The following FGF14 variants were observed in gnomAD, a reference collection of about 807,000 sequenced individuals.
The protein encoded by FGF14 is fibroblast growth factor 14.
A neutral mutation model predicts 25.5 loss-of-function variants in FGF14; 5 were observed. The observed-to-expected ratio is 0.20, with a 90% CI of 0.10 to 0.41. The LOEUF is 0.41. FGF14 is among the 10% of genes least tolerant of loss of function. The pLI is 1.00. For missense variants in FGF14, 222 were observed against 320.1 expected (o/e 0.69, Z 2.34); for synonymous variants, 138 against 118.3 (o/e 1.17, Z -1.08).
chr13:102,161,574 A>AAGG (rs1555369410), intron 1 of FGF14, among the ~76,000 whole-genome samples: 1 of 5,312 alleles, frequency 1.9e-4, no homozygotes, highest in South Asian at 8.5e-3. Flanking sequence ...GTGAAGAAAG[A>AAGG]AAGAAGAAGA....
At chr13:102,090,655 C>T (rs1449177144) in intron 1 of FGF14, among the ~76,000 whole-genome samples, 4 of 152,192 alleles carry the variant, frequency 2.6e-5, no homozygotes, top group African/African-American at 4.8e-5. Context: ...ACGTCCTCTG[C>T]GTGCCTTTTT....
rs577274390 is a variant in FGF14, at chr13:101,805,338, T to C, written c.408+63387A>G. ...GTAAATCATTATGTCTAAAATGTTA[T>C]AGAAATTTCTATTAATGGTGGTTTG... On this transcript the variant is annotated intron_variant, in intron 3 of 4. Coordinates refer to ENST00000376143, the MANE Select transcript of FGF14 (RefSeq NM_004115.4). Among the ~76,000 whole-genome samples the C allele has an allele frequency of 2.0e-5, 3 of 152,288 alleles. No individual in the cohort carries two copies. In the South Asian group the frequency reaches 6.2e-4, roughly 32 times the overall value.
intron 1 of FGF14, among the ~76,000 whole-genome samples, chr13:102,385,109 C>G (rs946151915): frequency 1.3e-5 from 2 of 152,164 alleles, no homozygotes; most frequent in Non-Finnish European, 1.5e-5. Flanking sequence ...CATATGGAGA[C>G]AGCAGCCAAC....
chr13:102,263,031 G>A (rs991929022), intron 1 of FGF14: 3 of 637,490 alleles, frequency 4.7e-6, no homozygotes, highest in Non-Finnish European at 5.7e-6. Flanking sequence ...GCCATCTCAT[G>A]TGCAATTCCT....
Position 101,722,951 on chromosome 13 carries a change from T to C in FGF14, c.624A>G (p.Glu208=). 6.2e-7 allele frequency: 1 copy of C among 1,613,270 alleles called. No individual in the cohort carries two copies. The highest frequency in any genetic ancestry group is 8.5e-7 in the Non-Finnish European group (1 of 1,179,478). ...PKPLEVAMYR[E]PSLHDVGETV... is the part of the protein sequence containing the mutation. ...TTTCCCCAACATCATGCAAAGATGG[T>C]TCTCGGTACATGGCAACTAGTGATG... Residue 208 remains glutamate (E), a synonymous_variant, in exon 5 of 5, where the codon GAA becomes GAG. Coordinates refer to ENST00000376143, the MANE Select transcript of FGF14 (RefSeq NM_004115.4).
chr13:101,824,467 T>C (rs1414347434), intron 3 of FGF14, among the ~76,000 whole-genome samples: 1 of 152,244 alleles, frequency 6.6e-6, no homozygotes, highest in Non-Finnish European at 1.5e-5. Context: ...TTTCTTGAGA[T>C]GATGTCTCTA....
intron 1 of FGF14, among the ~76,000 whole-genome samples, chr13:102,260,755 C>A (rs747021647): frequency 3.0e-4 from 46 of 152,348 alleles, no homozygotes; most frequent in Non-Finnish European, 5.1e-4. Context: ...CAGCAACTTG[C>A]AGTACACACC....
intron 1 of FGF14, among the ~76,000 whole-genome samples, chr13:102,068,587 G>C (rs1405947783): frequency 6.6e-6 from 1 of 152,234 alleles, no homozygotes; most frequent in Non-Finnish European, 1.5e-5. Context: ...GGCCCTGCCA[G>C]CCCCGGGCAG....
chr13:101,758,766 C>T (rs935384831), intron 3 of FGF14, among the ~76,000 whole-genome samples: 1 of 152,156 alleles, frequency 6.6e-6, no homozygotes. Flanking sequence ...TATAGATCAG[C>T]AGTCCTCACA....
chr13:101,913,005 G>A (rs752229027), intron 1 of FGF14, among the ~76,000 whole-genome samples: 1 of 151,918 alleles, frequency 6.6e-6, no homozygotes, highest in African/African-American at 2.4e-5. Flanking sequence ...TTATTATCAG[G>A]TATATATAAA....
chr13:101,724,804 A>C (rs544159527), intron 4 of FGF14, among the ~76,000 whole-genome samples: 2 of 151,244 alleles, frequency 1.3e-5, no homozygotes, highest in Non-Finnish European at 3.0e-5. Context: ...CTACCCCCTT[A>C]ACTGTTTTTA....
intron 1 of FGF14, among the ~76,000 whole-genome samples, chr13:101,964,535 A>G (rs780374082): frequency 6.6e-6 from 1 of 152,146 alleles, no homozygotes; most frequent in East Asian, 1.9e-4. Flanking sequence ...CATCATTGTG[A>G]TATCACACAA....
chr13:102,341,627 C>T (rs552273425), intron 1 of FGF14, among the ~76,000 whole-genome samples: 72 of 152,258 alleles, frequency 4.7e-4, no homozygotes, highest in African/African-American at 1.6e-3. Flanking sequence ...ATTGAGAAGG[C>T]GACCACCTTT....
chr13:102,211,183 C>A (rs1006689744), intron 1 of FGF14, among the ~76,000 whole-genome samples: 1 of 152,056 alleles, frequency 6.6e-6, no homozygotes. Flanking sequence ...GAACAAGAGA[C>A]AGATTGGCCA....
intron 1 of FGF14, among the ~76,000 whole-genome samples, chr13:102,088,909 C>T (rs2044046761): frequency 6.6e-6 from 1 of 152,064 alleles, no homozygotes; most frequent in African/African-American, 2.4e-5. Context: ...ATTCTTGATC[C>T]ACATATTGTA....
chr13:101,967,848 C>G (rs964324771), intron 1 of FGF14: 2 of 153,140 alleles, frequency 1.3e-5, no homozygotes, highest in African/African-American at 4.8e-5. Context: ...TAAATTCCTG[C>G]TGCCTAATCA....
chr13:102,116,220 G>A (rs978473211), intron 1 of FGF14, among the ~76,000 whole-genome samples: 12 of 152,174 alleles, frequency 7.9e-5, no homozygotes, highest in Non-Finnish European at 1.5e-4. Flanking sequence ...TGCTGCTGTG[G>A]ATGTGGATAA....
At chr13:102,315,029 A>G (rs1054457081) in intron 1 of FGF14, among the ~76,000 whole-genome samples, 3 of 150,978 alleles carry the variant, frequency 2.0e-5, no homozygotes, top group African/African-American at 7.3e-5. Flanking sequence ...TTACACACAC[A>G]TACAAACATG....
intron 1 of FGF14, among the ~76,000 whole-genome samples, chr13:102,054,905 A>G (rs2042365157): frequency 6.6e-6 from 1 of 151,812 alleles, no homozygotes; most frequent in African/African-American, 2.4e-5. Context: ...TGAAACTATC[A>G]CTCCCGCTTT....
Sources: gnomAD v4.1 joint callset for allele counts (sites outside exome capture counted in the v4.1 genomes callset) on GRCh38, gnomAD v4.1.1 for gene constraint, MANE v1.5 for transcripts, NCBI Gene and HGNC (gene_info 2026-07-23, HGNC 2026-07-21) for gene names.